ATP1A4: variants seen among roughly 807,000 people sequenced by gnomAD.
ATP1A4 encodes the protein ATPase Na+/K+ transporting subunit alpha 4.
In ATP1A4, 90 loss-of-function variants were observed where a neutral mutation model predicts 114.3. The observed-to-expected ratio is 0.79, with a 90% CI of 0.66 to 0.94. The LOEUF is 0.94. Among genes scored for constraint, ATP1A4 ranks in the 40% least tolerant of loss-of-function variants. ATP1A4 has a pLI of 0.00. For missense variants in ATP1A4, 1,222 were observed against 1,313.6 expected (o/e 0.93, Z 1.08); for synonymous variants, 511 against 494.1 (o/e 1.03, Z -0.45).
intron 4 of ATP1A4, among the ~76,000 whole-genome samples, chr1:160,157,105 C>G (rs569593403): frequency 6.6e-6 from 1 of 151,830 alleles, no homozygotes; most frequent in Non-Finnish European, 1.5e-5. Context: ...AAGACAGGGA[C>G]GTGGCAACTA....
At chr1:160,176,723 C>T (rs953412669) in intron 17 of ATP1A4, 121 bp downstream of exon 17, 3 of 1,349,524 alleles carry the variant, frequency 2.2e-6, no homozygotes, top group Non-Finnish European at 3.0e-6. Flanking sequence ...GTGCTAGGCC[C>T]TGAAAACACA....
At chr1:160,177,189 A>G (rs1354963289) in intron 17 of ATP1A4, among the ~76,000 whole-genome samples, 1 of 152,184 alleles carries the variant, frequency 6.6e-6, no homozygotes, top group African/African-American at 2.4e-5. Flanking sequence ...AAATAGGGTG[A>G]GTGATGAACA....
At chr1:160,156,210 A>C in intron 4 of ATP1A4, 52 bp downstream of exon 4, 1 of 1,242,008 alleles carries the variant, frequency 8.1e-7, no homozygotes, top group Non-Finnish European at 1.2e-6. Flanking sequence ...ATGTGGCCAA[A>C]TACACAATGA....
chr1:160,186,111 G>T (rs925374193), intron 20 of ATP1A4, among the ~76,000 whole-genome samples, 165 bp from the exon 21 acceptor site: 2 of 49,754 alleles, frequency 4.0e-5, no homozygotes, highest in African/African-American at 7.0e-5. Flanking sequence ...AAAAAAAAGG[G>T]ATCAACCAGA....
In ATP1A4 at chr1:160,174,201, C is replaced by G. The variant is rs573699765; in HGVS notation, c.2082C>G (p.Ile694Met). The change falls in exon 14 of 22, where the codon ATC becomes ATG. Residue 694 changes from isoleucine (I) to methionine (M), a missense_variant. Physicochemically the swap from Ile to Met is conservative, Grantham distance 10 (BLOSUM62 1). Transcript: ENST00000368081. ...LDQILQNHPE[I>M]VFARTSPQQK... ...AGATCCTCCAGAACCACCCTGAGAT[C>G]GTGTTTGCTCGGACCTCCCCTCAGC... 6.2e-6 allele frequency: 10 copies of G among 1,614,030 alleles called. No homozygotes were observed. In the East Asian group the frequency reaches 1.6e-4, roughly 25 times the overall value.
At chr1:160,174,055 A>G in intron 13 of ATP1A4, 56 bp from the exon 14 acceptor site, 1 of 1,580,960 alleles carries the variant, frequency 6.3e-7, no homozygotes, top group East Asian at 2.2e-5. Context: ...GGGCACCAAG[A>G]CCCCTGGTGA....
chr1:160,155,998 A>T (rs776344237), intron 3 of ATP1A4, 47 bp from the exon 4 acceptor site: 1 of 1,164,806 alleles, frequency 8.6e-7, no homozygotes, highest in East Asian at 2.3e-5. Flanking sequence ...GAGGATGAAG[A>T]AGACGACAAG....
intron 1 of ATP1A4, 39 bp from the exon 2 acceptor site, chr1:160,153,126 G>A (rs201404089): frequency 1.3e-6 from 2 of 1,579,480 alleles, no homozygotes; most frequent in African/African-American, 2.7e-5. Flanking sequence ...AATGACCTGG[G>A]CCACCCCCTG....
At chr1:160,185,437 C>T (rs561666588) in intron 20 of ATP1A4, among the ~76,000 whole-genome samples, 4 of 151,906 alleles carry the variant, frequency 2.6e-5, no homozygotes, top group South Asian at 2.1e-4. Context: ...GTTTCTGTCT[C>T]GTGCCTCTCC....
At chr1:160,174,874 C>A in intron 15 of ATP1A4, 127 bp downstream of exon 15, 1 of 1,432,684 alleles carries the variant, frequency 7.0e-7, no homozygotes, top group South Asian at 1.4e-5. Flanking sequence ...AGAAGAAAAT[C>A]ACTGTAAGAC....
At chr1:160,168,019 G>A (rs1245861454) in intron 10 of ATP1A4, among the ~76,000 whole-genome samples, 1 of 152,146 alleles carries the variant, frequency 6.6e-6, no homozygotes, top group Non-Finnish European at 1.5e-5. Flanking sequence ...AACTAATTAC[G>A]TGTGTTCGTG....
At chr1:160,170,964 T>A (rs1159511077) in intron 10 of ATP1A4, 3 of 303,818 alleles carry the variant, frequency 9.9e-6, no homozygotes, top group Non-Finnish European at 1.8e-5. Flanking sequence ...GCCATCCAGT[T>A]GGCAAGGATG....
chr1:160,178,685 A>AG (rs990941643), intron 18 of ATP1A4, among the ~76,000 whole-genome samples: 2 of 152,180 alleles, frequency 1.3e-5, no homozygotes, highest in Admixed American at 1.3e-4. Flanking sequence ...AAGAAAAAAA[A>AG]AAACAAAACC....
chr1:160,176,610 C>T lies in ATP1A4; in HGVS notation c.2590+8C>T, dbSNP rs1225604103. 1 of 1,613,006 alleles carries T rather than the reference C, an allele frequency of 6.2e-7. No individual in the cohort carries two copies. Among genetic ancestry groups the T allele is most frequent in the East Asian group, 2.2e-5 (1 of 44,848 alleles). ...TGGCCTATGGACAGATTGGTGCGCC[C>T]AGAGGAATGAGGGGTGGAGGGAGCA... On this transcript the variant is annotated splice_region_variant and intron_variant, in intron 17 of 21. Coordinates refer to ENST00000368081, the MANE Select transcript of ATP1A4 (RefSeq NM_144699.4).
intron 2 of ATP1A4, among the ~76,000 whole-genome samples, chr1:160,153,999 A>G (rs1180273983): frequency 6.6e-6 from 1 of 152,158 alleles, no homozygotes; most frequent in African/African-American, 2.4e-5. Flanking sequence ...GAAAAAGCAC[A>G]TAAGCTTGTG....
intron 8 of ATP1A4, 73 bp downstream of exon 8, chr1:160,166,799 T>C: frequency 1.3e-6 from 2 of 1,593,594 alleles, no homozygotes; most frequent in Non-Finnish European, 1.7e-6. Context: ...GAGAGAATGG[T>C]GAGTCCAGAC....
Position 160,167,034 on chromosome 1 carries a change from G to A in ATP1A4, c.1313G>A (p.Arg438Gln), listed in dbSNP as rs371081653. 1.4e-5 allele frequency: 22 copies of A among 1,613,978 alleles called. No homozygotes were observed. Among genetic ancestry groups the A allele is most frequent in the African/African-American group, 9.3e-5 (7 of 74,868 alleles). ...MLARIAGLCN[R>Q]ADFKANQEIL... ...GCCCGAATCGCTGGCCTCTGCAACCGGGCTGACTTTAAGGCTAATCAGGAG... is the reference window on the plus strand; with the variant it reads ...GCCCGAATCGCTGGCCTCTGCAACCAGGCTGACTTTAAGGCTAATCAGGAG... Residue 438 changes from arginine to glutamine, a missense_variant, in exon 9 of 22, where the codon CGG (arginine) becomes CAG (glutamine). Physicochemically the swap from Arg to Gln is conservative, Grantham distance 43 (BLOSUM62 1). Coordinates refer to ENST00000368081, the MANE Select transcript of ATP1A4 (RefSeq NM_144699.4).
At position 160,177,522 on chromosome 1, in the gene ATP1A4, T is replaced by C. The variant is rs142076602; in HGVS notation, c.2594T>C (p.Met865Thr). Residue 865 changes from methionine (M) to threonine (T), a missense_variant, in exon 18 of 22, where the codon ATG becomes ACG. Coordinates refer to ENST00000368081, the MANE Select transcript of ATP1A4 (RefSeq NM_144699.4). ...CCTGCAACTCTGTCATTCACAGGGA[T>C]GATCCAGGCTCTGGCTGGATTCTTT... Reference protein sequence around the residue: ...LIGMAYGQIGMIQALAGFFTY... With the variant: ...LIGMAYGQIGTIQALAGFFTY... 1.9e-5 allele frequency: 31 copies of C among 1,613,866 alleles called. No homozygotes were observed. Among genetic ancestry groups the C allele is most frequent in the Non-Finnish European group, 2.5e-5 (30 of 1,179,992 alleles).
chr1:160,155,336 C>T (rs1421292650), intron 3 of ATP1A4, 88 bp downstream of exon 3: 2 of 949,294 alleles, frequency 2.1e-6, no homozygotes, highest in Non-Finnish European at 3.2e-6. Flanking sequence ...TCCTGAAGTC[C>T]TCTGGCCCAA....
Sources: gnomAD v4.1 joint callset for allele counts (sites outside exome capture counted in the v4.1 genomes callset) on GRCh38, gnomAD v4.1.1 for gene constraint, MANE v1.5 for transcripts, NCBI Gene and HGNC (gene_info 2026-07-23, HGNC 2026-07-21) for gene names.